Variants in CTNND2 observed in about 807,000 individuals in gnomAD.
CTNND2 encodes catenin delta 2.
Under a neutral mutation model 144.4 loss-of-function variants are expected in CTNND2, and 22 were observed. The observed-to-expected ratio is 0.15, with a 90% CI of 0.11 to 0.22. The LOEUF is 0.22. CTNND2 is among the 10% of genes least tolerant of loss of function. The pLI is 1.00. For synonymous variants in CTNND2, 751 were observed against 695.6 expected (o/e 1.08, Z -1.25); for missense variants, 1,353 against 1,618.8 (o/e 0.84, Z 2.82).
chr5:11,452,008 A>G (rs1765354333), intron 3 of CTNND2, among the ~76,000 whole-genome samples: 2 of 152,228 alleles, frequency 1.3e-5, no homozygotes, highest in South Asian at 4.1e-4. Flanking sequence ...CATGGTGATT[A>G]CAAGAATCAT....
intron 9 of CTNND2, among the ~76,000 whole-genome samples, chr5:11,305,670 C>T (rs759103757): frequency 1.3e-5 from 2 of 152,196 alleles, no homozygotes; most frequent in African/African-American, 4.8e-5. Context: ...TAACAAGGAG[C>T]ACCTGCCTCT....
At chr5:11,572,389 T>C (rs1240127414) in intron 2 of CTNND2, among the ~76,000 whole-genome samples, 1 of 152,146 alleles carries the variant, frequency 6.6e-6, no homozygotes, top group Non-Finnish European at 1.5e-5. Flanking sequence ...TCATACCTAG[T>C]TCTATTTTGA....
At chr5:11,213,285 A>C (rs181905269) in intron 10 of CTNND2, among the ~76,000 whole-genome samples, 1 of 152,222 alleles carries the variant, frequency 6.6e-6, no homozygotes, top group East Asian at 1.9e-4. Context: ...CTGAGCAAAA[A>C]GGAAAAGCTT....
chr5:11,511,861 T>C (rs2150026244), intron 3 of CTNND2, among the ~76,000 whole-genome samples: 1 of 152,308 alleles, frequency 6.6e-6, no homozygotes, highest in Admixed American at 6.5e-5. Context: ...TTCAAGATCT[T>C]GCCTCTCTTT....
rs1758639508 is a variant in CTNND2 at position 11,160,256 on chromosome 5, T to A, written c.1976-497A>T. On this transcript the variant is annotated intron_variant, in intron 11 of 21. Transcript: ENST00000304623. ...TATGAGAATCCAGCATCAGGTCAGATGACAACTGGCTCAACAAGCAATTTA... is the reference window on the plus strand; with the variant it reads ...TATGAGAATCCAGCATCAGGTCAGAAGACAACTGGCTCAACAAGCAATTTA... Among the ~76,000 whole-genome samples the A allele has an allele frequency of 2.6e-5, 4 of 152,362 alleles. No homozygotes were observed. In the South Asian group the frequency reaches 8.3e-4, roughly 32 times the overall value.
chr5:11,469,143 C>T (rs868086820), intron 3 of CTNND2, among the ~76,000 whole-genome samples: 3 of 152,204 alleles, frequency 2.0e-5, no homozygotes, highest in South Asian at 4.1e-4. Context: ...CTGCCCTTTG[C>T]CTCCAGTCTT....
intron 12 of CTNND2, among the ~76,000 whole-genome samples, chr5:11,128,965 A>AATATATAATATATATT (rs1755089995): frequency 1.3e-3 from 36 of 28,406 alleles, no homozygotes; most frequent in Middle Eastern, 0.056. Flanking sequence ...AAATATATAT[A>AATATATAATATATATT]ATATATAATA....
At chr5:11,726,799 AATAG>A (rs1297796419) in intron 2 of CTNND2, among the ~76,000 whole-genome samples, 2 of 152,204 alleles carry the variant, frequency 1.3e-5, no homozygotes, top group Non-Finnish European at 2.9e-5. Flanking sequence ...AACACTATTA[AATAG>A]AACAGAGCAT....
chr5:11,133,279 A>T (rs1755792102), intron 12 of CTNND2, among the ~76,000 whole-genome samples: 1 of 152,122 alleles, frequency 6.6e-6, no homozygotes, highest in Admixed American at 6.5e-5. Context: ...TTAAATTATT[A>T]TGCACCTTAC....
chr5:11,798,145 C>T (rs73052791), intron 1 of CTNND2, among the ~76,000 whole-genome samples: 6 of 151,276 alleles, frequency 4.0e-5, no homozygotes, highest in East Asian at 2.0e-4. Flanking sequence ...GCCTGTAGTC[C>T]GGGTTACTCA....
chr5:11,244,280 A>ATT lies in CTNND2; in HGVS notation c.1629-7459_1629-7458dup, dbSNP rs11322159. Among the ~76,000 whole-genome samples, 498 of 104,054 alleles carry ATT rather than the reference A, an allele frequency of 4.8e-3. 2 individuals carry two copies. Among genetic ancestry groups the ATT allele is most frequent in the Non-Finnish European group, 6.3e-3 (338 of 53,972 alleles). The allele number at this position is 104,054 out of a possible 152,430, so 68.3% of individuals were successfully genotyped here. A position where few individuals can be genotyped will look rare whatever the true frequency, so the allele number is the denominator to read the frequency against. On this transcript the variant is annotated intron_variant, in intron 9 of 21. Transcript: ENST00000304623. ...TAAAAACAAAAAGCTGTCCTATACA[A>ATT]TTTTTTTTTTTTTTTTTTTTTTTTG...
intron 9 of CTNND2, among the ~76,000 whole-genome samples, chr5:11,256,000 T>C (rs1744196906): frequency 6.6e-6 from 1 of 152,186 alleles, no homozygotes; most frequent in African/African-American, 2.4e-5. Flanking sequence ...TCACGGGACT[T>C]TGTTCCAGAA....
At chr5:11,671,609 T>C (rs1286380667) in intron 2 of CTNND2, among the ~76,000 whole-genome samples, 1 of 151,984 alleles carries the variant, frequency 6.6e-6, no homozygotes, top group Non-Finnish European at 1.5e-5. Flanking sequence ...GTTCTCATGC[T>C]GTTTTCTTCA....
chr5:11,761,084 A>G (rs1789235941), intron 1 of CTNND2, among the ~76,000 whole-genome samples: 1 of 152,178 alleles, frequency 6.6e-6, no homozygotes, highest in Non-Finnish European at 1.5e-5. Flanking sequence ...GATGATGTCA[A>G]TAATTCCACC....
chr5:11,048,610 C>T (rs962821659), intron 16 of CTNND2, among the ~76,000 whole-genome samples: 1 of 152,128 alleles, frequency 6.6e-6, no homozygotes, highest in Non-Finnish European at 1.5e-5. Flanking sequence ...CCCACACTGC[C>T]CCTGTGTTGA....
At position 11,346,646 on chromosome 5, in the gene CTNND2, G is replaced by A; in HGVS notation, c.1373-19C>T. 1 of 1,438,056 alleles carries A rather than the reference G, an allele frequency of 7.0e-7. No homozygotes were observed. The highest frequency in any genetic ancestry group is 9.2e-7 in the Non-Finnish European group (1 of 1,092,830). The allele number at this position is 1,438,056 out of a possible 1,614,324, so 89.1% of individuals were successfully genotyped here. On this transcript the variant is annotated intron_variant, in intron 8 of 21. Coordinates refer to ENST00000304623, the MANE Select transcript of CTNND2 (RefSeq NM_001332.4). ...GATGGGGCTACGACAGGAAAGTAGG[G>A]ACAAAGTAAAAAATTGAGGACCTGC...
At chr5:11,377,903 T>C (rs1327478557) in intron 7 of CTNND2, among the ~76,000 whole-genome samples, 1 of 152,156 alleles carries the variant, frequency 6.6e-6, no homozygotes, top group African/African-American at 2.4e-5. Flanking sequence ...AAAGAAATGT[T>C]TGATTACCAT....
At chr5:11,238,368 A>C (rs927015343) in intron 9 of CTNND2, among the ~76,000 whole-genome samples, 1 of 152,210 alleles carries the variant, frequency 6.6e-6, no homozygotes, top group African/African-American at 2.4e-5. Context: ...AAACAACTCA[A>C]AAGCATACAT....
chr5:11,276,435 G>T (rs1226092750), intron 9 of CTNND2, among the ~76,000 whole-genome samples: 1 of 152,072 alleles, frequency 6.6e-6, no homozygotes, highest in Non-Finnish European at 1.5e-5. Context: ...GCCCCTTCTT[G>T]ATCTCTTTCC....
Sources: allele counts gnomAD v4.1 joint callset (sites outside exome capture counted in the v4.1 genomes callset), GRCh38; gene constraint gnomAD v4.1.1; transcripts MANE v1.5; gene names NCBI Gene and HGNC (gene_info 2026-07-23, HGNC 2026-07-21).